Variants in MLEC observed in about 807,000 individuals in gnomAD.
MLEC encodes malectin.
A neutral mutation model predicts 28.7 loss-of-function variants in MLEC; 7 were observed. That is an observed-to-expected ratio of 0.24 (90% CI 0.14 to 0.46). The LOEUF is 0.46. MLEC is among the 20% of genes least tolerant of loss of function. The pLI is 0.99. For synonymous variants in MLEC, 142 were observed against 164.4 expected (o/e 0.86, Z 1.04); for missense variants, 237 against 391.1 (o/e 0.61, Z 3.32).
In MLEC at chr12:120,687,268, C is replaced by CG; in HGVS notation, c.-24dup. The CG allele has an allele frequency of 2.2e-6, 3 of 1,361,844 alleles. No individual in the cohort carries two copies. Among genetic ancestry groups the CG allele is most frequent in the Non-Finnish European group, 1.9e-6 (2 of 1,063,754 alleles). The allele number at this position is 1,361,844 out of a possible 1,614,324, so 84.4% of individuals were successfully genotyped here. A position where few individuals can be genotyped will look rare whatever the true frequency, so the allele number is the denominator to read the frequency against. On this transcript the variant is annotated 5_prime_UTR_variant, in exon 1 of 5. Transcript: ENST00000228506. The surrounding 1 kb of genome is among the most constrained non-coding windows in gnomAD (Gnocchi z 8.1). Reference sequence around the variant, plus strand: ...GCAGCCGGCCGAGGACGAGGGTCGGCGGGGGCTGCCCCCGTGGTGGTGGCC... The same window carrying CG: ...GCAGCCGGCCGAGGACGAGGGTCGGCGGGGGGCTGCCCCCGTGGTGGTGGCC...
In MLEC at chr12:120,697,674, A is replaced by G. The variant is rs1433098412; in HGVS notation, c.*1129A>G. The G allele has an allele frequency of 1.3e-5, 2 of 152,672 alleles. No homozygotes were observed. Among genetic ancestry groups the G allele is most frequent in the Non-Finnish European group, 2.9e-5 (2 of 68,056 alleles). The allele number at this position is 152,672 out of a possible 1,614,324, so 9.5% of individuals were successfully genotyped here. ...GAGCAACCTCAGAGATTTGAGCCCT[A>G]CTAAGTGACTGACCACTGTTTAGAG... On this transcript the variant is annotated 3_prime_UTR_variant, in exon 5 of 5. Coordinates refer to ENST00000228506, the MANE Select transcript of MLEC (RefSeq NM_014730.4). This position sits in a 1 kb window ranked among gnomAD's most constrained non-coding sequence, Gnocchi z 4.8.
At position 120,691,505 on chromosome 12, in the gene MLEC, T is replaced by C. The variant is rs995881917; in HGVS notation, c.236-2586T>C. Among the ~76,000 whole-genome samples, 28 of 152,282 alleles carry C rather than the reference T, an allele frequency of 1.8e-4. 1 individual carries two copies. Among genetic ancestry groups the C allele is most frequent in the South Asian group, 6.2e-4 (3 of 4,838 alleles). On this transcript the variant is annotated intron_variant, in intron 1 of 4. Transcript: ENST00000228506. ...TAAAACTAAGAAAGAGCAGACATAA[T>C]GTAGGCCCTTCGGCCCCCTTCCTTT...
In MLEC at chr12:120,701,311, C is replaced by G. The variant is rs1280897699; in HGVS notation, c.*4766C>G. 1 of 152,498 alleles carries G rather than the reference C, an allele frequency of 6.6e-6. No individual in the cohort carries two copies. Among genetic ancestry groups the G allele is most frequent in the Non-Finnish European group, 1.5e-5 (1 of 68,046 alleles). The allele number at this position is 152,498 out of a possible 1,614,324, so 9.4% of individuals were successfully genotyped here. The stretch of plus-strand genomic sequence containing the variant: ...GAGAGACATTCTTGACTCCTCTCTT[C>G]CCTGGTGTGTTGTGATCCAGGGAAT... On this transcript the variant is annotated 3_prime_UTR_variant, in exon 5 of 5. Coordinates refer to ENST00000228506, the MANE Select transcript of MLEC (RefSeq NM_014730.4). The surrounding 1 kb of genome is among the most constrained non-coding windows in gnomAD (Gnocchi z 4.0).
In MLEC at chr12:120,696,693, A is replaced by G. The variant is rs1207864886; in HGVS notation, c.*148A>G. On this transcript the variant is annotated 3_prime_UTR_variant, in exon 5 of 5. Transcript: ENST00000228506. This position sits in a 1 kb window ranked among gnomAD's most constrained non-coding sequence, Gnocchi z 5.4. ...AATTAAAGGAGACAAAAAGAGGCAG[A>G]GCGAGTAGAGAGCAGCCCTCATTCA... The G allele has an allele frequency of 2.4e-5, 29 of 1,214,866 alleles. No individual in the cohort carries two copies. Among genetic ancestry groups the G allele is most frequent in the African/African-American group, 4.6e-5 (3 of 65,474 alleles). 75.3% of individuals were successfully genotyped at this position (1,214,866 alleles called of 1,614,324 possible).
rs371140951 is a variant in MLEC at position 120,694,280 on chromosome 12, G to C, written c.414+11G>C. The C allele has an allele frequency of 2.3e-5, 37 of 1,612,540 alleles. No individual in the cohort carries two copies. Among genetic ancestry groups the C allele is most frequent in the Admixed American group, 3.3e-5 (2 of 59,948 alleles). ...CAGTCCCAGCAAAAGGTGAGGCCTA[G>C]TCAGGCTGCTGCTTGACCAGTAGGA... On this transcript the variant is annotated intron_variant, in intron 2 of 4. Transcript: ENST00000228506. This position sits in a 1 kb window ranked among gnomAD's most constrained non-coding sequence, Gnocchi z 4.5.
chr12:120,695,521 G>A (rs1019177906), intron 4 of MLEC, among the ~76,000 whole-genome samples: 1 of 152,180 alleles, frequency 6.6e-6, no homozygotes, highest in Non-Finnish European at 1.5e-5. Context: ...GGAAAAAAAG[G>A]TAAAAGGAGG....
chr12:120,695,157 G>A lies in MLEC; in HGVS notation c.649+5G>A. The A allele has an allele frequency of 6.2e-7, 1 of 1,614,206 alleles. No individual in the cohort carries two copies. Among genetic ancestry groups the A allele is most frequent in the East Asian group, 2.2e-5 (1 of 44,886 alleles). Reference sequence around the variant, plus strand: ...TCATGGCTGGGACAGTGGATGGTAGGTTGTGTTCTGACCTGCTTTTTTGAC... The same window carrying A: ...TCATGGCTGGGACAGTGGATGGTAGATTGTGTTCTGACCTGCTTTTTTGAC... On this transcript the variant is annotated splice_donor_5th_base_variant and intron_variant, in intron 4 of 4. Coordinates refer to ENST00000228506, the MANE Select transcript of MLEC (RefSeq NM_014730.4).
rs760625085 is a variant in MLEC, at chr12:120,700,096, C to T, written c.*3551C>T. 1 of 152,676 alleles carries T rather than the reference C, an allele frequency of 6.5e-6. No homozygotes were observed. Among genetic ancestry groups the T allele is most frequent in the Non-Finnish European group, 1.5e-5 (1 of 68,062 alleles). The allele number at this position is 152,676 out of a possible 1,614,324, so 9.5% of individuals were successfully genotyped here. A position where few individuals can be genotyped will look rare whatever the true frequency, so the allele number is the denominator to read the frequency against. ...TAAAATCCCTTTCCCTAGAAATTGGCTCACCTTGGGAAACCCAGGGAAAGA... is the reference window on the plus strand; with the variant it reads ...TAAAATCCCTTTCCCTAGAAATTGGTTCACCTTGGGAAACCCAGGGAAAGA... On this transcript the variant is annotated 3_prime_UTR_variant, in exon 5 of 5. Transcript: ENST00000228506. This position sits in a 1 kb window ranked among gnomAD's most constrained non-coding sequence, Gnocchi z 4.0.
At chr12:120,688,825 T>C (rs1358710394) in intron 1 of MLEC, among the ~76,000 whole-genome samples, 1 of 152,240 alleles carries the variant, frequency 6.6e-6, no homozygotes, top group African/African-American at 2.4e-5. Flanking sequence ...AGCCCTGGCA[T>C]GTAGATCACA....
rs972212579 is a variant in MLEC, at chr12:120,697,550, G to A, written c.*1005G>A. ...CCCCTTTGTAGGGCCTTGCTGCCAGGGGGCAGGGATGCTTTCCAGCCTGCA... is the reference window on the plus strand; with the variant it reads ...CCCCTTTGTAGGGCCTTGCTGCCAGAGGGCAGGGATGCTTTCCAGCCTGCA... On this transcript the variant is annotated 3_prime_UTR_variant, in exon 5 of 5. Transcript: ENST00000228506. This position sits in a 1 kb window ranked among gnomAD's most constrained non-coding sequence, Gnocchi z 4.8. 1 of 152,652 alleles carries A rather than the reference G, an allele frequency of 6.6e-6. No homozygotes were observed. The highest frequency in any genetic ancestry group is 1.5e-5 in the Non-Finnish European group (1 of 68,056). 9.5% of individuals were successfully genotyped at this position (152,652 alleles called of 1,614,324 possible). A position where few individuals can be genotyped will look rare whatever the true frequency, so the allele number is the denominator to read the frequency against.
chr12:120,687,214 C>A lies in MLEC; in HGVS notation c.-83C>A. ...GCGGCTCAGGCGGAGCGGCCCGTGG[C>A]GCTGTTTTTCTGAGTCCGGGGTGGC... On this transcript the variant is annotated 5_prime_UTR_variant, in exon 1 of 5. Transcript: ENST00000228506. This position sits in a 1 kb window ranked among gnomAD's most constrained non-coding sequence, Gnocchi z 8.1. 10 of 1,300,250 alleles carry A rather than the reference C, an allele frequency of 7.7e-6. No homozygotes were observed. The highest frequency in any genetic ancestry group is 9.8e-6 in the Non-Finnish European group (10 of 1,025,620). 80.5% of individuals were successfully genotyped at this position (1,300,250 alleles called of 1,614,324 possible). A position where few individuals can be genotyped will look rare whatever the true frequency, so the allele number is the denominator to read the frequency against.
chr12:120,697,295 ATTTCTTCTCAGT>A lies in MLEC; in HGVS notation c.*754_*765del, dbSNP rs1180476254. 1 of 152,296 alleles carries A rather than the reference ATTTCTTCTCAGT, an allele frequency of 6.6e-6. No homozygotes were observed. Among genetic ancestry groups the A allele is most frequent in the Non-Finnish European group, 1.5e-5 (1 of 67,986 alleles). 9.4% of individuals were successfully genotyped at this position (152,296 alleles called of 1,614,324 possible). ...GATTTCAGTGCCTGTTGGGGACTTGATTTCTTCTCAGTTTTGTTTGTTTGTTTGTTTCCTTAA... is the reference window on the plus strand; with the variant it reads ...GATTTCAGTGCCTGTTGGGGACTTGATTTGTTTGTTTGTTTGTTTCCTTAA... On this transcript the variant is annotated 3_prime_UTR_variant, in exon 5 of 5. Transcript: ENST00000228506. The surrounding 1 kb of genome is among the most constrained non-coding windows in gnomAD (Gnocchi z 4.8).
In MLEC at chr12:120,687,452, C is replaced by T; in HGVS notation, c.156C>T (p.Val52=). The T allele has an allele frequency of 7.1e-7, 1 of 1,413,166 alleles. No homozygotes were observed. The highest frequency in any genetic ancestry group is 9.2e-7 in the Non-Finnish European group (1 of 1,081,376). 87.5% of individuals were successfully genotyped at this position (1,413,166 alleles called of 1,614,324 possible). The stretch of plus-strand genomic sequence containing the variant: ...TGCCCGAGAGCGTCATTTGGGCGGT[C>T]AACGCGGGTGGAGAGGCGCATGTGG... ...AGLPESVIWA[V]NAGGEAHVDV... is the part of the protein sequence containing the mutation. The change falls in exon 1 of 5, where the codon GTC becomes GTT. Residue 52 remains valine, a synonymous_variant. Coordinates refer to ENST00000228506, the MANE Select transcript of MLEC (RefSeq NM_014730.4). This position sits in a 1 kb window ranked among gnomAD's most constrained non-coding sequence, Gnocchi z 8.1.
Position 120,700,613 on chromosome 12 carries a change from G to A in MLEC, c.*4068G>A, listed in dbSNP as rs1446554692. 5 of 152,074 alleles carry A rather than the reference G, an allele frequency of 3.3e-5. No individual in the cohort carries two copies. The highest frequency in any genetic ancestry group is 7.4e-5 in the Non-Finnish European group (5 of 68,024). 9.4% of individuals were successfully genotyped at this position (152,074 alleles called of 1,614,324 possible). ...CAGAAGAAATCTGCTTCTCTTCGAT[G>A]GAAAGATATAATTAACGATCAAAGA... On this transcript the variant is annotated 3_prime_UTR_variant, in exon 5 of 5. Transcript: ENST00000228506. The surrounding 1 kb of genome is among the most constrained non-coding windows in gnomAD (Gnocchi z 4.0).
chr12:120,699,087 C>T lies in MLEC; in HGVS notation c.*2542C>T, dbSNP rs1254372357. 6.6e-6 allele frequency: 1 copy of T among 152,516 alleles called. No individual in the cohort carries two copies. The highest frequency in any genetic ancestry group is 6.6e-5 in the Admixed American group (1 of 15,264). The allele number at this position is 152,516 out of a possible 1,614,324, so 9.4% of individuals were successfully genotyped here. On this transcript the variant is annotated 3_prime_UTR_variant, in exon 5 of 5. Transcript: ENST00000228506. ...TTTTTGTTTTTGTTTTGTGGCTCCT[C>T]CAAGATATAGGTACATGAAGTTTAG...
chr12:120,694,080 T>G lies in MLEC; in HGVS notation c.236-11T>G. 1 of 1,610,664 alleles carries G rather than the reference T, an allele frequency of 6.2e-7. No homozygotes were observed. Among genetic ancestry groups the G allele is most frequent in the East Asian group, 2.2e-5 (1 of 44,808 alleles). The stretch of plus-strand genomic sequence containing the variant: ...CCTCTGATGTGCTTTCTCTTTGTCT[T>G]TTGTCCTCAGCCTCAGACTATGGCA... On this transcript the variant is annotated splice_polypyrimidine_tract_variant and intron_variant, in intron 1 of 4. Transcript: ENST00000228506. This position sits in a 1 kb window ranked among gnomAD's most constrained non-coding sequence, Gnocchi z 4.5.
rs750509479 is a variant in MLEC, at chr12:120,696,362, G to GGAA, written c.712_714dup (p.Glu238dup). The GGAA allele has an allele frequency of 2.5e-5, 40 of 1,613,788 alleles. No individual in the cohort carries two copies. In the African/African-American group the frequency reaches 2.8e-4, roughly 11 times the overall value. ...ATCCGGGATTGGAGAAGAAAGAAGA[G>GGAA]GAAGAAGAAGAAGAAGAATATGATG... On this transcript the variant is annotated inframe_insertion, in exon 5 of 5. Transcript: ENST00000228506. This position sits in a 1 kb window ranked among gnomAD's most constrained non-coding sequence, Gnocchi z 5.4.
At chr12:120,691,801 T>A (rs928490533) in intron 1 of MLEC, among the ~76,000 whole-genome samples, 1 of 152,140 alleles carries the variant, frequency 6.6e-6, no homozygotes, top group African/African-American at 2.4e-5. Context: ...TTCTTCACTG[T>A]GGGACTGAGA....
At position 120,697,415 on chromosome 12, in the gene MLEC, G is replaced by T. The variant is rs1225612251; in HGVS notation, c.*870G>T. On this transcript the variant is annotated 3_prime_UTR_variant, in exon 5 of 5. Coordinates refer to ENST00000228506, the MANE Select transcript of MLEC (RefSeq NM_014730.4). This position sits in a 1 kb window ranked among gnomAD's most constrained non-coding sequence, Gnocchi z 4.8. ...AAGGGAAGGAGACACGGGGATTTGG[G>T]GTTCTCTGCTTGAATGTCTTCTCCT... 6.6e-6 allele frequency: 1 copy of T among 152,576 alleles called. No homozygotes were observed. The highest frequency in any genetic ancestry group is 1.5e-5 in the Non-Finnish European group (1 of 68,044). 9.5% of individuals were successfully genotyped at this position (152,576 alleles called of 1,614,324 possible).
Sources: gnomAD v4.1 joint callset for allele counts (sites outside exome capture counted in the v4.1 genomes callset) on GRCh38, gnomAD v4.1.1 for gene constraint, Gnocchi (gnomAD v3.1) non-coding constraint, MANE v1.5 for transcripts, NCBI Gene and HGNC (gene_info 2026-07-23, HGNC 2026-07-21) for gene names.